Variants in SNX29 observed in about 807,000 individuals in gnomAD.
SNX29 encodes the protein sorting nexin-29.
Under a neutral mutation model 102.1 loss-of-function variants are expected in SNX29, and 78 were observed. The ratio of observed to expected loss-of-function variants is 0.76; its 90% CI spans 0.64 to 0.92. SNX29 has a LOEUF of 0.92. Ranked by LOEUF, SNX29 falls within the 40% of genes least tolerant of loss-of-function variation. The pLI is 0.00. For synonymous variants in SNX29, 580 were observed against 414.5 expected, an observed-to-expected ratio of 1.40 and a Z score of -4.85; for missense variants, 1,280 against 1,061.7, an observed-to-expected ratio of 1.21 and a Z score of -2.86.
At chr16:12,196,856 C>T (rs144178391) in intron 13 of SNX29, among the ~76,000 whole-genome samples, 63 of 152,208 alleles carry the variant, frequency 4.1e-4, no homozygotes, top group African/African-American at 1.3e-3. Flanking sequence ...CTTGGCCTCA[C>T]GTGATCCACC....
chr16:12,123,857 A>C (rs141839004), intron 11 of SNX29, among the ~76,000 whole-genome samples: 11 of 152,294 alleles, frequency 7.2e-5, no homozygotes, highest in Non-Finnish European at 1.5e-4. Context: ...AAAACAACTC[A>C]TCAAAGCAGA....
At chr16:12,552,686 G>A (rs1298346187) in intron 20 of SNX29, among the ~76,000 whole-genome samples, 1 of 152,198 alleles carries the variant, frequency 6.6e-6, no homozygotes, top group African/African-American at 2.4e-5. Flanking sequence ...CGTTTACAAG[G>A]GTCGGGGGAA....
intron 14 of SNX29, among the ~76,000 whole-genome samples, chr16:12,218,509 A>C (rs1218455092): frequency 6.6e-6 from 1 of 152,216 alleles, no homozygotes; most frequent in Non-Finnish European, 1.5e-5. Context: ...AGAGTTGAAT[A>C]GTTCTTGCAG....
At position 12,096,360 on chromosome 16, in the gene SNX29, G is replaced by T. The variant is rs946732431; in HGVS notation, c.1402+17445G>T. 3.9e-5 allele frequency among the ~76,000 whole-genome samples: 6 copies of T among 152,180 alleles called. No homozygotes were observed. The highest frequency in any genetic ancestry group is 7.4e-5 in the Non-Finnish European group (5 of 68,024). The stretch of plus-strand genomic sequence containing the variant: ...ACCAAACATCTCTCATGTGCTGGGC[G>T]CAGTTCTAGGTGCTGAGGAGCCAGA... On this transcript the variant is annotated intron_variant, in intron 11 of 20. Coordinates refer to ENST00000566228, the MANE Select transcript of SNX29 (RefSeq NM_032167.5). This position sits in a 1 kb window ranked among gnomAD's most constrained non-coding sequence, Gnocchi z 4.2.
intron 15 of SNX29, among the ~76,000 whole-genome samples, chr16:12,298,841 A>T (rs545516278): frequency 6.6e-6 from 1 of 152,198 alleles, no homozygotes; most frequent in East Asian, 1.9e-4. Flanking sequence ...CGTGATTCCT[A>T]TGTGCCTGAT....
intron 11 of SNX29, among the ~76,000 whole-genome samples, chr16:12,083,597 A>G (rs2052019397): frequency 6.6e-6 from 1 of 152,204 alleles, no homozygotes; most frequent in Non-Finnish European, 1.5e-5. Flanking sequence ...ATTGGGAGTT[A>G]GGTCTTCCAC....
At chr16:12,560,776 CTTTA>C (rs1241392653) in intron 20 of SNX29, 2 of 175,424 alleles carry the variant, frequency 1.1e-5, no homozygotes, top group African/African-American at 4.7e-5. Flanking sequence ...ACCCTCTGTG[CTTTA>C]TTTTCCATGC....
intron 16 of SNX29, among the ~76,000 whole-genome samples, chr16:12,361,949 T>C (rs760550184): frequency 4.6e-5 from 7 of 152,200 alleles, no homozygotes; most frequent in Non-Finnish European, 8.8e-5. Context: ...ACCGCTTTAT[T>C]GCGCCTATAC....
chr16:12,486,668 C>T (rs1597571132), intron 19 of SNX29, among the ~76,000 whole-genome samples: 3 of 152,222 alleles, frequency 2.0e-5, no homozygotes, highest in South Asian at 2.1e-4. Context: ...ATCAGTCAGC[C>T]GTTGCCCATT....
intron 20 of SNX29, among the ~76,000 whole-genome samples, chr16:12,550,085 C>G (rs902915807): frequency 1.3e-5 from 2 of 152,170 alleles, no homozygotes; most frequent in African/African-American, 4.8e-5. Flanking sequence ...AGGAAGTTTG[C>G]CAACCTATGG....
intron 7 of SNX29, among the ~76,000 whole-genome samples, chr16:12,049,357 G>C (rs941700417): frequency 2.0e-5 from 3 of 149,740 alleles, no homozygotes; most frequent in Non-Finnish European, 3.0e-5. Flanking sequence ...TTTTGAGACA[G>C]AGTCTCACTC....
At chr16:12,428,875 A>G (rs771548386) in intron 18 of SNX29, among the ~76,000 whole-genome samples, 4 of 152,242 alleles carry the variant, frequency 2.6e-5, no homozygotes, top group Non-Finnish European at 4.4e-5. Context: ...TAGTCTCACC[A>G]CACAGATACG....
intron 14 of SNX29, among the ~76,000 whole-genome samples, chr16:12,227,554 T>TA (rs1303327046): frequency 1.3e-5 from 2 of 152,174 alleles, no homozygotes; most frequent in African/African-American, 4.8e-5. Context: ...GAGCTTATCT[T>TA]ACACAAATCT....
At chr16:12,245,425 G>A (rs1426698420) in intron 14 of SNX29, among the ~76,000 whole-genome samples, 1 of 151,410 alleles carries the variant, frequency 6.6e-6, no homozygotes, top group Non-Finnish European at 1.5e-5. Flanking sequence ...TGTCAAAGAT[G>A]ACATGTTTGA....
At chr16:12,320,009 G>A (rs910966278) in intron 15 of SNX29, among the ~76,000 whole-genome samples, 1 of 152,140 alleles carries the variant, frequency 6.6e-6, no homozygotes, top group African/African-American at 2.4e-5. Context: ...GGCTGGACGT[G>A]GCTGCATCTC....
In SNX29 at chr16:12,076,843, C is replaced by G. The variant is rs921298295; in HGVS notation, c.1320-1990C>G. ...CGTAAACCATATTAGATGCCATGGTCTTACCTGGAACAGTCAAGGGTTCTG... is the reference window on the plus strand; with the variant it reads ...CGTAAACCATATTAGATGCCATGGTGTTACCTGGAACAGTCAAGGGTTCTG... On this transcript the variant is annotated intron_variant, in intron 10 of 20. Coordinates refer to ENST00000566228, the MANE Select transcript of SNX29 (RefSeq NM_032167.5). 1.2e-4 allele frequency among the ~76,000 whole-genome samples: 19 copies of G among 152,188 alleles called. 1 individual carries two copies.
chr16:12,006,943 A>G (rs997045050), intron 3 of SNX29, among the ~76,000 whole-genome samples: 1 of 152,162 alleles, frequency 6.6e-6, no homozygotes, highest in African/African-American at 2.4e-5. Context: ...ACTGATGAGA[A>G]AACAGATTCA....
chr16:12,410,245 C>T (rs11865405), intron 18 of SNX29, among the ~76,000 whole-genome samples: 10,342 of 152,202 alleles, frequency 0.068, 549 homozygotes, highest in East Asian at 0.15. Context: ...CCACCTGCCT[C>T]GACCTCCCAA....
chr16:12,448,269 G>A (rs895827936), intron 18 of SNX29, among the ~76,000 whole-genome samples: 1 of 152,126 alleles, frequency 6.6e-6, no homozygotes, highest in Admixed American at 6.5e-5. Flanking sequence ...TGTCCTCCTT[G>A]CAACCCCAGT....
Sources: gnomAD v4.1 joint callset for allele counts (sites outside exome capture counted in the v4.1 genomes callset) on GRCh38, gnomAD v4.1.1 for gene constraint, Gnocchi (gnomAD v3.1) non-coding constraint, MANE v1.5 for transcripts, NCBI Gene and HGNC (gene_info 2026-07-23, HGNC 2026-07-21) for gene names.